The following TSHZ2 variants were observed in gnomAD, a reference collection of about 807,000 sequenced individuals.
TSHZ2 encodes teashirt homolog 2.
In TSHZ2, 21 loss-of-function variants were observed where a neutral mutation model predicts 74.4. That is an observed-to-expected ratio of 0.28 (90% CI 0.20 to 0.41). The LOEUF (loss-of-function observed/expected upper bound fraction) is 0.41, where lower values mean the gene tolerates loss of function less well. TSHZ2 is among the 10% of genes least tolerant of loss of function. The probability of loss-of-function intolerance (pLI) is 1.00; values close to 1 mark genes in which losing one functional copy is unlikely to be tolerated. For missense variants in TSHZ2, 1,244 were observed against 1,293.5 expected (o/e 0.96, Z 0.59); for synonymous variants, 540 against 515.3 (o/e 1.05, Z -0.65).
chr20:53,492,464 A>G lies in TSHZ2; in HGVS notation c.*5329A>G, dbSNP rs1337968707. On this transcript the variant is annotated 3_prime_UTR_variant, in exon 3 of 3. Coordinates refer to ENST00000371497, the MANE Select transcript of TSHZ2 (RefSeq NM_173485.6). ...TAGAATGTGTAATGCGAGTCAAAAA[A>G]GCTGACATACAAAACAATTCCCATT... 6.6e-6 allele frequency: 1 copy of G among 152,232 alleles called. No individual in the cohort carries two copies. Among genetic ancestry groups the G allele is most frequent in the African/African-American group, 2.4e-5 (1 of 41,462 alleles). 9.4% of individuals were successfully genotyped at this position (152,232 alleles called of 1,614,324 possible).
chr20:53,182,234 CTCCT>C (rs1555833729), intron 1 of TSHZ2, among the ~76,000 whole-genome samples: 12 of 146,432 alleles, frequency 8.2e-5, no homozygotes, highest in African/African-American at 3.1e-4. Context: ...TCTTGACTCC[CTCCT>C]TCCTTCCTTC....
chr20:52,999,034 G>T lies in TSHZ2; in HGVS notation c.40+25701G>T, dbSNP rs114223677. 5.5e-3 allele frequency among the ~76,000 whole-genome samples: 839 copies of T among 152,074 alleles called. 5 individuals are homozygous for T. The highest frequency in any genetic ancestry group is 0.019 in the African/African-American group (796 of 41,466). On this transcript the variant is annotated intron_variant, in intron 1 of 2. Coordinates refer to ENST00000371497, the MANE Select transcript of TSHZ2 (RefSeq NM_173485.6). ...TATAAATTTTATAAATGAATAAACT[G>T]AAACTTACAGCAGTGATTTCAGACT... is the stretch of plus-strand genomic sequence containing the variant.
chr20:53,109,738 GA>G (rs1316895952), intron 1 of TSHZ2, among the ~76,000 whole-genome samples: 2 of 152,224 alleles, frequency 1.3e-5, no homozygotes, highest in African/African-American at 2.4e-5. Flanking sequence ...GATAGAAACA[GA>G]AGCTTGTAGT....
intron 2 of TSHZ2, among the ~76,000 whole-genome samples, chr20:53,349,458 C>T (rs540122043): frequency 3.3e-5 from 5 of 152,264 alleles, no homozygotes; most frequent in African/African-American, 1.2e-4. Context: ...TCTAGACCAG[C>T]CTGGGTGACA....
intron 1 of TSHZ2, among the ~76,000 whole-genome samples, chr20:53,004,555 C>T (rs1210302275): frequency 6.6e-6 from 1 of 152,162 alleles, no homozygotes; most frequent in East Asian, 1.9e-4. Context: ...TTACGCTTAG[C>T]AGTCCAGACC....
intron 1 of TSHZ2, among the ~76,000 whole-genome samples, chr20:53,090,648 A>G (rs2123259937): frequency 6.6e-6 from 1 of 152,294 alleles, no homozygotes; most frequent in South Asian, 2.1e-4. Flanking sequence ...CTTGCTTGCA[A>G]GGGTCTCCGA....
At chr20:53,058,354 C>T (rs1984711236) in intron 1 of TSHZ2, among the ~76,000 whole-genome samples, 1 of 152,208 alleles carries the variant, frequency 6.6e-6, no homozygotes, top group African/African-American at 2.4e-5. Context: ...AGCCAATTTC[C>T]CCCAAGTTAG....
chr20:53,075,484 C>T (rs1378955520), intron 1 of TSHZ2, among the ~76,000 whole-genome samples: 1 of 152,150 alleles, frequency 6.6e-6, no homozygotes, highest in Non-Finnish European at 1.5e-5. Context: ...GAAAGCACTG[C>T]ATGCCAAGCT....
rs536884465 is a variant in TSHZ2 at position 53,469,683 on chromosome 20, A to C, written c.*9-17461A>C. Among the ~76,000 whole-genome samples, 364 of 82,640 alleles carry C rather than the reference A, an allele frequency of 4.4e-3. 15 individuals carry two copies. Among genetic ancestry groups the C allele is most frequent in the African/African-American group, 0.013 (268 of 21,082 alleles). The allele number at this position is 82,640 out of a possible 152,430, so 54.2% of individuals were successfully genotyped here. On this transcript the variant is annotated intron_variant, in intron 2 of 2. Transcript: ENST00000371497. ...AAGGAAGGAAGGAAGGAAGGAAGGA[A>C]GGACGGACCCAAGAAAGATAGAGAA...
intron 1 of TSHZ2, among the ~76,000 whole-genome samples, chr20:53,091,072 A>T (rs1985871993): frequency 6.6e-6 from 1 of 152,358 alleles, no homozygotes; most frequent in Admixed American, 6.5e-5. Flanking sequence ...TGGTACACAG[A>T]TAAACTTCCT....
intron 2 of TSHZ2, among the ~76,000 whole-genome samples, chr20:53,307,549 G>A (rs956106180): frequency 1.3e-5 from 2 of 152,138 alleles, no homozygotes; most frequent in Non-Finnish European, 2.9e-5. Context: ...CACCTGGGGA[G>A]CTTTTGCAAC....
intron 1 of TSHZ2, among the ~76,000 whole-genome samples, chr20:53,077,378 T>C (rs557448683): frequency 6.7e-6 from 1 of 148,562 alleles, no homozygotes; most frequent in East Asian, 2.0e-4. Context: ...GCCACTGCAC[T>C]GCAGCCAGGA....
intron 1 of TSHZ2, among the ~76,000 whole-genome samples, chr20:53,234,460 A>G (rs1488947253): frequency 1.3e-5 from 2 of 152,252 alleles, no homozygotes; most frequent in African/African-American, 4.8e-5. Context: ...AAAGATCACA[A>G]TTAACAATAG....
At chr20:53,174,825 T>G (rs1256946859) in intron 1 of TSHZ2, among the ~76,000 whole-genome samples, 1 of 151,992 alleles carries the variant, frequency 6.6e-6, no homozygotes, top group Non-Finnish European at 1.5e-5. Flanking sequence ...CTTTTTAAAT[T>G]GGGTCCCAAA....
chr20:53,214,584 G>A (rs573420091), intron 1 of TSHZ2, among the ~76,000 whole-genome samples: 16 of 152,242 alleles, frequency 1.1e-4, no homozygotes, highest in African/African-American at 2.6e-4. Context: ...ATGGTGGCAC[G>A]TGCCTTTAAT....
intron 1 of TSHZ2, among the ~76,000 whole-genome samples, chr20:53,027,819 A>G (rs1983501491): frequency 6.6e-6 from 1 of 152,276 alleles, no homozygotes. Flanking sequence ...TTGAGTTTAC[A>G]CCTTGCGAAC....
intron 2 of TSHZ2, among the ~76,000 whole-genome samples, chr20:53,262,595 A>T (rs1990625930): frequency 6.6e-6 from 1 of 152,242 alleles, no homozygotes; most frequent in Admixed American, 6.5e-5. Flanking sequence ...AAAATGACTC[A>T]ACTTGATGAA....
In TSHZ2 at chr20:53,255,362, G is replaced by A. The variant is rs139065096; in HGVS notation, c.1904G>A (p.Arg635His). The A allele has an allele frequency of 1.9e-4, 305 of 1,614,016 alleles. 2 individuals carry two copies. The African/African-American group carries it at 3.1e-3, about 17-fold the overall frequency. The change falls in exon 2 of 3, where the codon CGC becomes CAC. Residue 635 changes from arginine to histidine, a missense_variant. Arg to His is a conservative substitution (Grantham distance 29). Coordinates refer to ENST00000371497, the MANE Select transcript of TSHZ2 (RefSeq NM_173485.6). The surrounding 1 kb of genome is among the most constrained non-coding windows in gnomAD (Gnocchi z 4.1). Reference sequence around the variant, plus strand: ...AGCCACAGTGAGGGCGATTCTTTCCGCAAAAGTGAAACACCTCCAGAAGCC... The same window carrying A: ...AGCCACAGTGAGGGCGATTCTTTCCACAAAAGTGAAACACCTCCAGAAGCC... The part of the protein sequence containing the change: ...SFSHSEGDSF[R>H]KSETPPEAKK...
chr20:53,391,151 TTTTGGTTTGG>T (rs149288139), intron 2 of TSHZ2, among the ~76,000 whole-genome samples: 8 of 151,056 alleles, frequency 5.3e-5, no homozygotes, highest in Middle Eastern at 3.4e-3. Context: ...TTTTGTTTTG[TTTTGGTTTGG>T]TTTGAGACAG....
Sources: allele counts gnomAD v4.1 joint callset (sites outside exome capture counted in the v4.1 genomes callset), GRCh38; gene constraint gnomAD v4.1.1; non-coding constraint Gnocchi (gnomAD v3.1); transcripts MANE v1.5; gene names NCBI Gene and HGNC (gene_info 2026-07-23, HGNC 2026-07-21).